The following AMBRA1 variants were observed in gnomAD, a reference collection of about 807,000 sequenced individuals.
AMBRA1 encodes activating molecule in BECN1-regulated autophagy protein 1.
AMBRA1 carries 47 observed loss-of-function variants against 125.4 expected under a neutral mutation model. The ratio of observed to expected loss-of-function variants is 0.37; its 90% confidence interval spans 0.30 to 0.48. AMBRA1 has a LOEUF of 0.48. Among genes scored for constraint, AMBRA1 ranks in the 20% least tolerant of loss-of-function variants. AMBRA1 has a pLI of 0.99. For missense variants in AMBRA1, 1,331 were observed against 1,693.4 expected (o/e 0.79, Z 3.76); for synonymous variants, 626 against 655.5 (o/e 0.95, Z 0.69).
In AMBRA1 at chr11:46,543,027, G is replaced by A. The variant is rs769794078; in HGVS notation, c.990C>T (p.Pro330=). ...GGGTAGTAGCTCTGGCAGAAGCAGG[G>A]GGGACACTGTCCTGGTGTGGCAAGA... The part of the protein sequence containing the change: ...PSLLPHQDSV[P]PASARATTPS... Residue 330 remains proline, a synonymous_variant, in exon 7 of 18, where the codon CCC becomes CCT. Transcript: ENST00000683756. 1 of 1,599,520 alleles carries A rather than the reference G, an allele frequency of 6.3e-7. No homozygotes were observed. Among genetic ancestry groups the A allele is most frequent in the South Asian group, 1.1e-5 (1 of 91,078 alleles).
At chr11:46,587,903 G>A (rs1306463217) in intron 1 of AMBRA1, among the ~76,000 whole-genome samples, 2 of 152,034 alleles carry the variant, frequency 1.3e-5, no homozygotes, top group Non-Finnish European at 2.9e-5. Context: ...GCTCCACAAC[G>A]TCTGATGGGA....
chr11:46,398,602 G>A (rs1262505078), intron 17 of AMBRA1, among the ~76,000 whole-genome samples: 2 of 150,536 alleles, frequency 1.3e-5, no homozygotes, highest in East Asian at 2.0e-4. Context: ...CTCCTGCCTC[G>A]GCCTCCTGAG....
intron 14 of AMBRA1, among the ~76,000 whole-genome samples, chr11:46,426,532 G>A (rs541596723): frequency 6.6e-6 from 1 of 152,220 alleles, no homozygotes; most frequent in Non-Finnish European, 1.5e-5. Flanking sequence ...CAGAGTTGGT[G>A]AATCTGTCAT....
intron 17 of AMBRA1, among the ~76,000 whole-genome samples, chr11:46,400,237 A>T (rs1034323197): frequency 3.3e-5 from 5 of 152,022 alleles, no homozygotes; most frequent in African/African-American, 1.2e-4. Flanking sequence ...GGAATTTTGC[A>T]GTTTTGGGGG....
chr11:46,500,923 A>C (rs1186361933), intron 9 of AMBRA1, among the ~76,000 whole-genome samples: 1 of 152,210 alleles, frequency 6.6e-6, no homozygotes, highest in East Asian at 1.9e-4. Context: ...GTAAAACTTG[A>C]TGCTATTCCA....
intron 11 of AMBRA1, among the ~76,000 whole-genome samples, chr11:46,488,833 A>G (rs1004871130): frequency 5.3e-5 from 8 of 152,248 alleles, no homozygotes; most frequent in Admixed American, 1.3e-4. Flanking sequence ...GGAAAATTCA[A>G]CAACACACTC....
intron 1 of AMBRA1, among the ~76,000 whole-genome samples, chr11:46,586,475 C>G (rs989004576): frequency 6.6e-5 from 10 of 151,974 alleles, no homozygotes; most frequent in African/African-American, 2.4e-4. Flanking sequence ...GGATTTGAAC[C>G]TATATCCTTT....
rs1951132728 is a variant in AMBRA1, at chr11:46,508,250, A to C, written c.2280T>G (p.Ser760=). ...QNRLRSSTSS[S]SSDNQGPSVE... ...CTGATGGACCCTGGTTGTCTGAGGA[A>C]GAGGAGGAGGTGGAAGAACGGAGAC... The change falls in exon 9 of 18, where the codon TCT becomes TCG. Residue 760 remains serine, a synonymous_variant. Transcript: ENST00000683756. 6.2e-7 allele frequency: 1 copy of C among 1,614,092 alleles called. No individual in the cohort carries two copies. The highest frequency in any genetic ancestry group is 1.3e-5 in the African/African-American group (1 of 74,942).
intron 11 of AMBRA1, among the ~76,000 whole-genome samples, chr11:46,459,739 T>TACACATAC (rs1554978171): frequency 1.8e-5 from 2 of 110,240 alleles, no homozygotes; most frequent in Non-Finnish European, 4.4e-5. Flanking sequence ...AAAATACACA[T>TACACATAC]ACACACACAC....
intron 11 of AMBRA1, among the ~76,000 whole-genome samples, chr11:46,462,710 A>C: frequency 6.7e-6 from 1 of 149,490 alleles, no homozygotes; most frequent in Non-Finnish European, 1.5e-5. Context: ...AATCCCCTTC[A>C]TCCCTCATCT....
intron 11 of AMBRA1, among the ~76,000 whole-genome samples, chr11:46,455,195 C>T (rs1345468366): frequency 6.6e-6 from 1 of 152,032 alleles, no homozygotes; most frequent in Non-Finnish European, 1.5e-5. Flanking sequence ...CATAGGTTTT[C>T]TTTTTCTTTT....
intron 1 of AMBRA1, chr11:46,548,957 C>G (rs867618450): frequency 6.6e-6 from 1 of 152,202 alleles, no homozygotes; most frequent in African/African-American, 2.4e-5. Flanking sequence ...TGCCATTGCA[C>G]TCCAGTGCCT....
chr11:46,423,037 G>GT (rs1946926673), intron 14 of AMBRA1, among the ~76,000 whole-genome samples: 2 of 152,294 alleles, frequency 1.3e-5, no homozygotes, highest in South Asian at 4.1e-4. Context: ...AAGGCTTAAG[G>GT]TTTTAGTGAG....
At chr11:46,476,974 T>G (rs1005813350) in intron 11 of AMBRA1, among the ~76,000 whole-genome samples, 1 of 151,982 alleles carries the variant, frequency 6.6e-6, no homozygotes, top group Non-Finnish European at 1.5e-5. Context: ...TTGGGCATGG[T>G]GGCGCACGCC....
chr11:46,471,244 C>A (rs1949573864), intron 11 of AMBRA1, among the ~76,000 whole-genome samples: 1 of 151,888 alleles, frequency 6.6e-6, no homozygotes, highest in South Asian at 2.1e-4. Context: ...GAGTTTAAGA[C>A]CAGCCTGGCC....
chr11:46,403,307 C>G (rs1234140241), intron 17 of AMBRA1, among the ~76,000 whole-genome samples: 3 of 152,216 alleles, frequency 2.0e-5, no homozygotes, highest in African/African-American at 7.2e-5. Context: ...CTTCCAGCCC[C>G]TCCCTCTTCA....
chr11:46,489,794 T>A (rs925537771), intron 11 of AMBRA1, among the ~76,000 whole-genome samples: 1 of 152,240 alleles, frequency 6.6e-6, no homozygotes, highest in Non-Finnish European at 1.5e-5. Context: ...TTCACTTTTA[T>A]GAGGCCTCAA....
At chr11:46,476,965 T>A (rs1256226180) in intron 11 of AMBRA1, among the ~76,000 whole-genome samples, 1 of 151,906 alleles carries the variant, frequency 6.6e-6, no homozygotes, top group African/African-American at 2.4e-5. Flanking sequence ...AAAAATTAGT[T>A]GGGCATGGTG....
chr11:46,512,622 AAG>A (rs1951307057), intron 8 of AMBRA1, 103 bp downstream of exon 8: 1 of 814,354 alleles, frequency 1.2e-6, no homozygotes, highest in Non-Finnish European at 1.9e-6. Flanking sequence ...TGAAGAATAA[AAG>A]AGCACCAGGA....
Sources: allele counts gnomAD v4.1 joint callset (sites outside exome capture counted in the v4.1 genomes callset), GRCh38; gene constraint gnomAD v4.1.1; transcripts MANE v1.5; gene names NCBI Gene and HGNC (gene_info 2026-07-23, HGNC 2026-07-21).